Variants in PIK3R6 observed in about 807,000 individuals in gnomAD.
PIK3R6 encodes the protein phosphoinositide-3-kinase regulatory subunit 6, also known as phosphoinositide 3-kinase regulatory subunit 6.
PIK3R6 carries 91 observed loss-of-function variants against 84.9 expected under a neutral mutation model. The ratio of observed to expected loss-of-function variants is 1.07; its 90% confidence interval spans 0.90 to 1.28. The LOEUF (loss-of-function observed/expected upper bound fraction) is 1.28. Ranked by LOEUF, PIK3R6 falls within the 50% of genes most tolerant of loss-of-function variation. The pLI, the probability that PIK3R6 is intolerant of heterozygous loss-of-function variation, is 0.00. For missense variants in PIK3R6, 996 were observed against 985.1 expected, an observed-to-expected ratio of 1.01 and a Z score of -0.15; for synonymous variants, 416 against 411.4, an observed-to-expected ratio of 1.01 and a Z score of -0.13.
chr17:8,805,684 G>C (rs1023416605), intron 18 of PIK3R6, among the ~76,000 whole-genome samples: 1 of 152,202 alleles, frequency 6.6e-6, no homozygotes, highest in South Asian at 2.1e-4. Context: ...GGGAGGCCAA[G>C]GTGGGCAGAT....
chr17:8,817,399 T>C (rs1367946462), intron 18 of PIK3R6, among the ~76,000 whole-genome samples: 1 of 152,212 alleles, frequency 6.6e-6, no homozygotes, highest in Non-Finnish European at 1.5e-5. Flanking sequence ...ATCCCAACAC[T>C]TTGGGAAGCC....
Position 8,803,980 on chromosome 17 carries a change from G to A in PIK3R6, c.2108+61C>T. ...TAGAGGCAGGAGATGGCAGGAGCTG[G>A]CTCCTGCTTCAGTTTGTCCCACGGG... On this transcript the variant is annotated intron_variant, in intron 19 of 19. Coordinates refer to ENST00000619866, the MANE Select transcript of PIK3R6 (RefSeq NM_001010855.4). The surrounding 1 kb of genome is among the most constrained non-coding windows in gnomAD (Gnocchi z 5.0). 1 of 1,418,484 alleles carries A rather than the reference G, an allele frequency of 7.0e-7. No homozygotes were observed. The highest frequency in any genetic ancestry group is 1.2e-5 in the South Asian group (1 of 85,374). 87.9% of individuals were successfully genotyped at this position (1,418,484 alleles called of 1,614,324 possible). A position where few individuals can be genotyped will look rare whatever the true frequency, so the allele number is the denominator to read the frequency against.
intron 2 of PIK3R6, among the ~76,000 whole-genome samples, chr17:8,841,427 C>T (rs74920273): frequency 0.016 from 2,453 of 152,258 alleles, 67 homozygotes; most frequent in African/African-American, 0.055. Context: ...CATCCCTTAC[C>T]GTCGATGTAT....
chr17:8,863,362 G>T (rs540110454), intron 1 of PIK3R6, among the ~76,000 whole-genome samples: 1 of 152,114 alleles, frequency 6.6e-6, no homozygotes, highest in Non-Finnish European at 1.5e-5. Context: ...TTTTCCTGGT[G>T]AAAACATTTG....
chr17:8,860,707 C>A (rs1332867007), intron 1 of PIK3R6, among the ~76,000 whole-genome samples: 20 of 152,218 alleles, frequency 1.3e-4, no homozygotes, highest in Middle Eastern at 3.4e-3. Context: ...CTAGCAACAC[C>A]AGACCCACAA....
At chr17:8,822,010 G>A (rs1597390022) in intron 16 of PIK3R6, 74 bp from the exon 17 acceptor site, 2 of 1,158,660 alleles carry the variant, frequency 1.7e-6, no homozygotes, top group Non-Finnish European at 2.5e-6. Flanking sequence ...CACATCCACA[G>A]TCTTGCCTCT....
At chr17:8,819,867 TATATGTATA>T (rs2087670462) in intron 17 of PIK3R6, among the ~76,000 whole-genome samples, 1 of 146,916 alleles carries the variant, frequency 6.8e-6, no homozygotes, top group Non-Finnish European at 1.5e-5. Flanking sequence ...GACACACATA[TATATGTATA>T]TATACACACA....
chr17:8,806,266 C>A (rs879579501), intron 18 of PIK3R6, among the ~76,000 whole-genome samples: 1 of 152,238 alleles, frequency 6.6e-6, no homozygotes, highest in Admixed American at 6.5e-5. Context: ...ATGTGACCCA[C>A]TGAAGCCTGC....
In PIK3R6 at chr17:8,854,574, T is replaced by C. The variant is rs1426101379; in HGVS notation, c.-91-4689A>G. Among the ~76,000 whole-genome samples the C allele has an allele frequency of 2.0e-5, 3 of 152,180 alleles. No homozygotes were observed. The East Asian group carries it at 5.8e-4, about 29-fold the overall frequency. On this transcript the variant is annotated intron_variant, in intron 1 of 19. Transcript: ENST00000619866. The stretch of plus-strand genomic sequence containing the variant: ...TATGGCTAATTGATTTTTGATAAAG[T>C]TGTAAAGGCAAGTCAATGGAGAAAG...
At chr17:8,834,372 G>A (rs1187322719) in intron 8 of PIK3R6, among the ~76,000 whole-genome samples, 1 of 151,750 alleles carries the variant, frequency 6.6e-6, no homozygotes, top group Admixed American at 6.6e-5. Flanking sequence ...ATGGGAACAG[G>A]TCAAGGCCCT....
chr17:8,867,289 C>T (rs905511015), intron 1 of PIK3R6, among the ~76,000 whole-genome samples: 13 of 152,156 alleles, frequency 8.5e-5, no homozygotes, highest in African/African-American at 3.1e-4. Context: ...CACAGGGTCC[C>T]GTGTCTTTTC....
At chr17:8,847,346 T>C (rs1194057218) in intron 2 of PIK3R6, among the ~76,000 whole-genome samples, 1 of 152,212 alleles carries the variant, frequency 6.6e-6, no homozygotes, top group Non-Finnish European at 1.5e-5. Context: ...CTTTGCAATC[T>C]TACTCCTGTT....
At chr17:8,836,429 G>T in intron 7 of PIK3R6, 118 bp downstream of exon 7, 2 of 1,046,348 alleles carry the variant, frequency 1.9e-6, no homozygotes, top group Non-Finnish European at 1.5e-6. Flanking sequence ...TGGCTGGGGA[G>T]GTCTGCTAGG....
rs777181315 is a variant in PIK3R6 at position 8,828,897 on chromosome 17, C to A, written c.983G>T (p.Arg328Leu). The A allele has an allele frequency of 8.3e-6, 13 of 1,562,094 alleles. No homozygotes were observed. The Admixed American group carries it at 9.7e-5, about 12-fold the overall frequency. ...VLDLQGLRPD[R>L]ELARVSVLST... ...CAGCACAGAAACCCGGGCCAACTCC[C>A]GGTCCGGCCGGAGGCCCTGCAGATC... Residue 328 changes from arginine (R) to leucine (L), a missense_variant, in exon 11 of 20, where the codon CGG becomes CTG. Coordinates refer to ENST00000619866, the MANE Select transcript of PIK3R6 (RefSeq NM_001010855.4).
chr17:8,859,284 G>A (rs2089215380), intron 1 of PIK3R6, among the ~76,000 whole-genome samples: 1 of 92,250 alleles, frequency 1.1e-5, no homozygotes, highest in South Asian at 4.4e-4. Flanking sequence ...ATGAATGAAT[G>A]AGACATAGTC....
chr17:8,850,726 G>A (rs1029129713), intron 1 of PIK3R6, among the ~76,000 whole-genome samples: 38 of 152,104 alleles, frequency 2.5e-4, no homozygotes, highest in African/African-American at 8.5e-4. Context: ...ACAAACAAAC[G>A]TATAACTGGG....
intron 1 of PIK3R6, among the ~76,000 whole-genome samples, chr17:8,864,571 C>T (rs1018860919): frequency 1.6e-5 from 2 of 121,722 alleles, no homozygotes; most frequent in Non-Finnish European, 3.3e-5. Context: ...CAGAGTCTCA[C>T]TCTGTCGCCA....
chr17:8,829,128 CAG>C (rs756855085), intron 10 of PIK3R6, 138 bp from the exon 11 acceptor site: 21 of 808,840 alleles, frequency 2.6e-5, no homozygotes, highest in African/African-American at 8.9e-5. Context: ...TGAACATGCA[CAG>C]AGACTCACAC....
Position 8,803,169 on chromosome 17 carries a change from C to G in PIK3R6, c.*104G>C. The G allele has an allele frequency of 2.0e-6, 3 of 1,490,372 alleles. No homozygotes were observed. The South Asian group carries it at 3.7e-5, about 19-fold the overall frequency. 92.3% of individuals were successfully genotyped at this position (1,490,372 alleles called of 1,614,324 possible). On this transcript the variant is annotated 3_prime_UTR_variant, in exon 20 of 20. Coordinates refer to ENST00000619866, the MANE Select transcript of PIK3R6 (RefSeq NM_001010855.4). This position sits in a 1 kb window ranked among gnomAD's most constrained non-coding sequence, Gnocchi z 5.0. ...GCACTCGCTGGCTCCTGGTCAAGGC[C>G]AAAGCTGCCGTGTGGAGCCGGGCCT...
Sources: gnomAD v4.1 joint callset for allele counts (sites outside exome capture counted in the v4.1 genomes callset) on GRCh38, gnomAD v4.1.1 for gene constraint, Gnocchi (gnomAD v3.1) non-coding constraint, MANE v1.5 for transcripts, NCBI Gene and HGNC (gene_info 2026-07-23, HGNC 2026-07-21) for gene names.